The following MLPH variants were observed in gnomAD, a reference collection of about 807,000 sequenced individuals.
MLPH encodes the protein exophilin-3.
MLPH carries 51 observed loss-of-function variants against 72.1 expected under a neutral mutation model. The observed-to-expected ratio is 0.71, with a 90% CI of 0.56 to 0.89. MLPH has a LOEUF of 0.89. Ranked by LOEUF, MLPH falls within the 40% of genes least tolerant of loss-of-function variation. MLPH has a pLI of 0.00. For synonymous variants in MLPH, 301 were observed against 310.1 expected (o/e 0.97, Z 0.31); for missense variants, 743 against 759.9 (o/e 0.98, Z 0.26).
chr2:237,504,858 C>T (rs1198208022), intron 2 of MLPH, among the ~76,000 whole-genome samples: 1 of 152,112 alleles, frequency 6.6e-6, no homozygotes, highest in Non-Finnish European at 1.5e-5. Flanking sequence ...AACTCATGGT[C>T]GAAAACTTCA....
At chr2:237,498,671 G>T (rs113097585) in intron 2 of MLPH, among the ~76,000 whole-genome samples, 1,757 of 152,310 alleles carry the variant, frequency 0.012, 25 homozygotes, top group African/African-American at 0.039. Context: ...AAGCCAGCAC[G>T]TCTTGATCTA....
At chr2:237,517,717 ATAAGTAAG>A (rs2080076074) in intron 4 of MLPH, among the ~76,000 whole-genome samples, 1 of 107,126 alleles carries the variant, frequency 9.3e-6, no homozygotes, top group Non-Finnish European at 1.9e-5. Flanking sequence ...GGATGGATGG[ATAAGTAAG>A]TGGGTGGATG....
At position 237,552,317 on chromosome 2, in the gene MLPH, T is replaced by G; in HGVS notation, c.1676-20T>G. On this transcript the variant is annotated intron_variant, in intron 14 of 15. Coordinates refer to ENST00000264605, the MANE Select transcript of MLPH (RefSeq NM_024101.7). ...TATGTGATTGATAAAGCACCATCCCTCTTCCTGTTTTCCCCAAAGGTAAAG... is the reference window on the plus strand; with the variant it reads ...TATGTGATTGATAAAGCACCATCCCGCTTCCTGTTTTCCCCAAAGGTAAAG... 1 of 1,608,936 alleles carries G rather than the reference T, an allele frequency of 6.2e-7. No homozygotes were observed. Among genetic ancestry groups the G allele is most frequent in the Non-Finnish European group, 8.5e-7 (1 of 1,175,280 alleles).
chr2:237,545,613 G>A (rs1444549425), intron 12 of MLPH: 15 of 1,286,492 alleles, frequency 1.2e-5, no homozygotes, highest in East Asian at 1.1e-4. Context: ...AGAACGGAGG[G>A]CGCGGGAGGC....
At chr2:237,515,898 G>A (rs1362410363) in intron 4 of MLPH, among the ~76,000 whole-genome samples, 5 of 152,224 alleles carry the variant, frequency 3.3e-5, no homozygotes. Context: ...CACTCACTGC[G>A]AGCCGAGCCC....
intron 4 of MLPH, among the ~76,000 whole-genome samples, chr2:237,516,997 GTGGA>G (rs4053461): frequency 0.14 from 18,552 of 130,350 alleles, 1,266 homozygotes; most frequent in African/African-American, 0.17. Flanking sequence ...TGGTAGGTGA[GTGGA>G]TGGATGGATG....
chr2:237,545,186 GGC>G (rs1405123587), intron 12 of MLPH, among the ~76,000 whole-genome samples: 750 of 58,366 alleles, frequency 0.013, 90 homozygotes, highest in Non-Finnish European at 0.021. Flanking sequence ...GTGAGTGGAG[GGC>G]ACAGTGGTGA....
intron 6 of MLPH, among the ~76,000 whole-genome samples, chr2:237,520,447 C>G (rs1162085009): frequency 6.6e-6 from 1 of 152,058 alleles, no homozygotes; most frequent in East Asian, 1.9e-4. Flanking sequence ...GGAACATACA[C>G]TTTATTGCCC....
chr2:237,545,436 T>C, intron 12 of MLPH: 2 of 1,281,342 alleles, frequency 1.6e-6, no homozygotes, highest in Non-Finnish European at 2.0e-6. Flanking sequence ...GTTTATTATT[T>C]GTTGTTTCTA....
intron 8 of MLPH, among the ~76,000 whole-genome samples, chr2:237,532,449 C>T (rs2080440553): frequency 2.0e-5 from 3 of 152,178 alleles, no homozygotes; most frequent in Admixed American, 6.5e-5. Flanking sequence ...AGGAAACGGC[C>T]CTGGCACGCA....
chr2:237,526,475 C>T (rs961350685), intron 7 of MLPH, among the ~76,000 whole-genome samples: 16 of 152,216 alleles, frequency 1.1e-4, no homozygotes, highest in Admixed American at 2.0e-4. Context: ...CTCATGCTGA[C>T]GGGGACCTTG....
Position 237,543,025 on chromosome 2 carries a change from G to A in MLPH, c.1539+366G>A. ...TGGTGAGTGGAGACAGTGGTGAGTT[G>A]GGGGACAGTAGTGAGTGGGGGGACA... On this transcript the variant is annotated intron_variant, in intron 12 of 15. Coordinates refer to ENST00000264605, the MANE Select transcript of MLPH (RefSeq NM_024101.7). 3.1e-5 allele frequency among the ~76,000 whole-genome samples: 2 copies of A among 64,590 alleles called. 1 individual carries two copies. The highest frequency in any genetic ancestry group is 1.5e-3 in the South Asian group (2 of 1,370). The allele number at this position is 64,590 out of a possible 152,430, so 42.4% of individuals were successfully genotyped here.
rs187824347 is a variant in MLPH at position 237,536,062 on chromosome 2, G to A, written c.1104+1415G>A. Reference sequence around the variant, plus strand: ...CTTTAAGTTTGAATGATTTCACTCCGCAGGACGCTCCTTGTAGCACCCTAG... The same window carrying A: ...CTTTAAGTTTGAATGATTTCACTCCACAGGACGCTCCTTGTAGCACCCTAG... On this transcript the variant is annotated intron_variant, in intron 9 of 15. Transcript: ENST00000264605. 3.9e-4 allele frequency among the ~76,000 whole-genome samples: 59 copies of A among 152,248 alleles called. 1 individual carries two copies. The highest frequency in any genetic ancestry group is 1.1e-3 in the African/African-American group (47 of 41,536).
At chr2:237,519,811 T>G (rs75559690) in intron 5 of MLPH, 99 bp from the exon 6 acceptor site, 30,119 of 1,574,442 alleles carry the variant, frequency 0.019, 382 homozygotes, top group African/African-American at 0.046. Flanking sequence ...GCCCCGCCCC[T>G]CTGGGGGCTG....
intron 8 of MLPH, among the ~76,000 whole-genome samples, chr2:237,530,765 C>T (rs1287153082): frequency 3.3e-5 from 5 of 152,198 alleles, no homozygotes; most frequent in Non-Finnish European, 7.4e-5. Flanking sequence ...CAAGCAAGGC[C>T]CTGACACAAG....
chr2:237,527,944 C>A (rs2080338996), intron 8 of MLPH, among the ~76,000 whole-genome samples: 1 of 152,196 alleles, frequency 6.6e-6, no homozygotes, highest in South Asian at 2.1e-4. Context: ...ATATTATTCA[C>A]CCCTAAAAAG....
At chr2:237,526,096 G>A (rs2080299288) in intron 7 of MLPH, among the ~76,000 whole-genome samples, 1 of 152,202 alleles carries the variant, frequency 6.6e-6, no homozygotes, top group African/African-American at 2.4e-5. Flanking sequence ...TCCCTGAAAT[G>A]ACTAGAACCA....
chr2:237,525,788 G>A lies in MLPH; in HGVS notation c.863G>A (p.Gly288Glu). 6.2e-7 allele frequency: 1 copy of A among 1,612,924 alleles called. No homozygotes were observed. Among genetic ancestry groups the A allele is most frequent in the Non-Finnish European group, 8.5e-7 (1 of 1,180,020 alleles). The part of the protein sequence containing the change: ...PPGGSHRMAL[G>E]TAAALGSNVI... ...GGAGGCTCCCACAGGATGGCCCTGG[G>A]GACTGCTGCTGCACTCGGTAGGTGC... The change falls in exon 7 of 16, where the codon GGG becomes GAG. Residue 288 changes from glycine (G) to glutamate (E), a missense_variant. By Grantham distance (98) the Gly-to-Glu change is moderately conservative. Coordinates refer to ENST00000264605, the MANE Select transcript of MLPH (RefSeq NM_024101.7).
chr2:237,511,223 T>C, intron 4 of MLPH, 122 bp downstream of exon 4: 1 of 783,574 alleles, frequency 1.3e-6, no homozygotes, highest in Non-Finnish European at 2.3e-6. Context: ...TGTGCACATG[T>C]GTGTGCATGC....
Sources: allele counts gnomAD v4.1 joint callset (sites outside exome capture counted in the v4.1 genomes callset), GRCh38; gene constraint gnomAD v4.1.1; transcripts MANE v1.5; gene names NCBI Gene and HGNC (gene_info 2026-07-23, HGNC 2026-07-21).